Variants in ARHGAP29 observed in about 807,000 individuals in gnomAD.
The protein encoded by ARHGAP29 is Rho GTPase activating protein 29.
ARHGAP29 carries 43 observed loss-of-function variants against 122.6 expected under a neutral mutation model. The observed-to-expected ratio is 0.35, with a 90% CI of 0.27 to 0.45. The LOEUF (loss-of-function observed/expected upper bound fraction) is 0.45, where lower values mean the gene tolerates loss of function less well. Among genes scored for constraint, ARHGAP29 ranks in the 20% least tolerant of loss-of-function variants. ARHGAP29 has a pLI of 1.00. For missense variants in ARHGAP29, 1,303 were observed against 1,477.2 expected, an observed-to-expected ratio of 0.88 and a Z score of 1.93; for synonymous variants, 506 against 497.1, an observed-to-expected ratio of 1.02 and a Z score of -0.24.
At chr1:94,206,976 T>TAGAG (rs1043127714) in intron 5 of ARHGAP29, among the ~76,000 whole-genome samples, 2 of 149,858 alleles carry the variant, frequency 1.3e-5, no homozygotes, top group African/African-American at 4.9e-5. Flanking sequence ...AATATATATA[T>TAGAG]ATAGAGAGAG....
At chr1:94,293,715 C>A in the ARHGAP29 span, among the ~76,000 whole-genome samples, 3 of 152,064 alleles carry the variant, frequency 2.0e-5, no homozygotes, top group African/African-American at 7.2e-5. Flanking sequence ...CTGTGCATAG[C>A]GGGGGAGGTG....
intron 1 of ARHGAP29, among the ~76,000 whole-genome samples, chr1:94,253,514 T>C (rs775707060): frequency 3.9e-5 from 6 of 152,226 alleles, no homozygotes; most frequent in Admixed American, 3.3e-4. Flanking sequence ...TCCTATTATT[T>C]TGGAGGTCTG....
intron 22 of ARHGAP29, among the ~76,000 whole-genome samples, chr1:94,174,987 A>C (rs983455396): frequency 6.6e-6 from 1 of 152,230 alleles, no homozygotes; most frequent in Non-Finnish European, 1.5e-5. Context: ...ACAAAACACA[A>C]AAAAAACACT....
the ARHGAP29 span, among the ~76,000 whole-genome samples, chr1:94,295,061 G>A: frequency 6.6e-6 from 1 of 152,126 alleles, no homozygotes; most frequent in Non-Finnish European, 1.5e-5. Flanking sequence ...CCCTCCTTTC[G>A]GTTCAAGAAG....
intron 1 of ARHGAP29, among the ~76,000 whole-genome samples, chr1:94,246,026 C>T (rs770069380): frequency 1.6e-4 from 24 of 152,192 alleles, no homozygotes; most frequent in Admixed American, 5.9e-4. Flanking sequence ...TCTTGGGCAG[C>T]GCTTTTCTAC....
At chr1:94,202,273 C>T (rs1371988768) in intron 11 of ARHGAP29, 2 of 555,470 alleles carry the variant, frequency 3.6e-6, no homozygotes, top group Non-Finnish European at 6.2e-6. Context: ...AAATAAACTA[C>T]TGCCTTCTCT....
At position 94,213,455 on chromosome 1, in the gene ARHGAP29, T is replaced by C. The variant is rs375230585; in HGVS notation, c.341-4105A>G. Among the ~76,000 whole-genome samples the C allele has an allele frequency of 1.8e-4, 27 of 152,238 alleles. No individual in the cohort carries two copies. In the South Asian group the frequency reaches 3.3e-3, roughly 19 times the overall value. On this transcript the variant is annotated intron_variant, in intron 3 of 22. Transcript: ENST00000260526. ...CCTCGGCCTGCCAAAGTGCTGGGATTACAGGCGTGAGCCACCGCACCCGGC... is the reference window on the plus strand; with the variant it reads ...CCTCGGCCTGCCAAAGTGCTGGGATCACAGGCGTGAGCCACCGCACCCGGC...
At position 94,173,438 on chromosome 1, in the gene ARHGAP29, T is replaced by C. The variant is rs1648878602; in HGVS notation, c.*431A>G. The C allele has an allele frequency of 6.4e-6, 1 of 156,528 alleles. No homozygotes were observed. 9.7% of individuals were successfully genotyped at this position (156,528 alleles called of 1,614,324 possible). ...CATATGCATACCAACAAAGATCTTT[T>C]TAGGCACTTGCATTCAGAAACATTC... On this transcript the variant is annotated 3_prime_UTR_variant, in exon 23 of 23. Transcript: ENST00000260526.
chr1:94,252,772 A>C (rs966158215), intron 1 of ARHGAP29, among the ~76,000 whole-genome samples: 3 of 152,182 alleles, frequency 2.0e-5, no homozygotes, highest in Non-Finnish European at 4.4e-5. Context: ...AGAGGGGTAA[A>C]CATTTTCCAC....
Position 94,170,608 on chromosome 1 carries a change from G to A in ARHGAP29, c.*3261C>T, listed in dbSNP as rs1001754297. Among the ~76,000 whole-genome samples, 5 of 152,162 alleles carry A rather than the reference G, an allele frequency of 3.3e-5. No individual in the cohort carries two copies. The highest frequency in any genetic ancestry group is 7.3e-5 in the Non-Finnish European group (5 of 68,032). ...AGTTTGATGGTTGTACTATGGTTAC[G>A]TAGGAATGCCCTTGTCTTAAGGAAA... On this transcript the variant is annotated 3_prime_UTR_variant, in exon 23 of 23. Coordinates refer to ENST00000260526, the MANE Select transcript of ARHGAP29 (RefSeq NM_004815.4).
At chr1:94,239,118 T>C (rs1229682953), upstream of ARHGAP29, among the ~76,000 whole-genome samples, 1 of 152,012 alleles carries the variant, frequency 6.6e-6, no homozygotes, top group Non-Finnish European at 1.5e-5. Flanking sequence ...CTTCTAATCG[T>C]GCTGAAAAAG....
At chr1:94,304,157 A>C in the ARHGAP29 span, among the ~76,000 whole-genome samples, 5 of 152,296 alleles carry the variant, frequency 3.3e-5, no homozygotes, top group South Asian at 1.0e-3. Context: ...GGATGGGGGA[A>C]GAAGGTCTCA....
At chr1:94,312,023 A>G in the ARHGAP29 span, among the ~76,000 whole-genome samples, 1 of 152,202 alleles carries the variant, frequency 6.6e-6, no homozygotes, top group Non-Finnish European at 1.5e-5. Context: ...ATGTACTGTG[A>G]TATCTCCCAC....
chr1:94,231,578 T>C lies in ARHGAP29; in HGVS notation c.34A>G (p.Lys12Glu), dbSNP rs1652921862. ...AGTTGACCTGATGCCCAAGCACGTT[T>C]TTTCTTTGTCTTTTTCTGTTTGTGA... is the stretch of plus-strand genomic sequence containing the variant. ...IAHKQKKTKK[K>E]RAWASGQLST... is the part of the protein sequence containing the mutation. Residue 12 changes from lysine (K) to glutamate (E), a missense_variant, in exon 2 of 23, where the codon AAA (lysine) becomes GAA (glutamate). Coordinates refer to ENST00000260526, the MANE Select transcript of ARHGAP29 (RefSeq NM_004815.4). 1 of 1,613,682 alleles carries C rather than the reference T, an allele frequency of 6.2e-7. No homozygotes were observed. The highest frequency in any genetic ancestry group is 2.2e-5 in the East Asian group (1 of 44,828).
the ARHGAP29 span, chr1:94,302,868 C>T: frequency 3.1e-5 from 7 of 223,804 alleles, no homozygotes; most frequent in African/African-American, 1.7e-4. Context: ...GCTGTCTCCT[C>T]CAACTTTAAC....
At chr1:94,196,256 C>CTTTTTTTTTTTT (rs917635883) in intron 12 of ARHGAP29, among the ~76,000 whole-genome samples, 7 of 91,148 alleles carry the variant, frequency 7.7e-5, no homozygotes, top group Non-Finnish European at 9.7e-5. Flanking sequence ...CCGTGTTTTT[C>CTTTTTTTTTTTT]TTTTTTTTTT....
chr1:94,230,131 T>G (rs1055392540), intron 2 of ARHGAP29, among the ~76,000 whole-genome samples: 7 of 151,734 alleles, frequency 4.6e-5, no homozygotes, highest in African/African-American at 1.4e-4. Flanking sequence ...AAGTATACAT[T>G]TTATTGTTTA....
intron 2 of ARHGAP29, among the ~76,000 whole-genome samples, chr1:94,226,993 T>A (rs1334634463): frequency 1.3e-5 from 2 of 151,816 alleles, no homozygotes; most frequent in African/African-American, 4.8e-5. Context: ...AAAAAGAAAT[T>A]TACACATCCT....
intron 19 of ARHGAP29, among the ~76,000 whole-genome samples, chr1:94,182,911 A>G (rs986542869): frequency 4.6e-5 from 7 of 152,222 alleles, no homozygotes; most frequent in African/African-American, 2.4e-5. Flanking sequence ...GAGATACCCC[A>G]GGATGGCAGC....
Sources: allele counts gnomAD v4.1 joint callset (sites outside exome capture counted in the v4.1 genomes callset), GRCh38; gene constraint gnomAD v4.1.1; transcripts MANE v1.5; gene names NCBI Gene and HGNC (gene_info 2026-07-23, HGNC 2026-07-21).